PRKG1: variants seen among roughly 807,000 people sequenced by gnomAD.
The protein encoded by PRKG1 is protein kinase cGMP-dependent 1, also known as cGMP-dependent protein kinase 1.
A neutral mutation model predicts 88.1 loss-of-function variants in PRKG1; 35 were observed. That is an observed-to-expected ratio of 0.40 (90% CI 0.30 to 0.53). PRKG1 has a LOEUF of 0.53. Ranked by LOEUF, PRKG1 falls within the 20% of genes least tolerant of loss-of-function variation. The pLI is 0.59. For missense variants in PRKG1, 540 were observed against 839.8 expected, an observed-to-expected ratio of 0.64 and a Z score of 4.41; for synonymous variants, 303 against 292.5, an observed-to-expected ratio of 1.04 and a Z score of -0.37.
chr10:51,481,349 G>A (rs1270184628), intron 3 of PRKG1, among the ~76,000 whole-genome samples: 2 of 152,082 alleles, frequency 1.3e-5, no homozygotes, highest in Non-Finnish European at 2.9e-5. Flanking sequence ...ACAGGTTAAA[G>A]CAATTCTCGT....
At chr10:51,789,738 T>G (rs1322195941) in intron 3 of PRKG1, among the ~76,000 whole-genome samples, 1 of 152,158 alleles carries the variant, frequency 6.6e-6, no homozygotes, top group Non-Finnish European at 1.5e-5. Flanking sequence ...ATGAACAAGA[T>G]GATACATTTC....
chr10:51,152,560 T>C (rs1034570130), intron 1 of PRKG1, among the ~76,000 whole-genome samples: 1 of 152,084 alleles, frequency 6.6e-6, no homozygotes, highest in African/African-American at 2.4e-5. Flanking sequence ...GTTAGGTTGG[T>C]ATTTTTTTAA....
At chr10:51,962,431 TA>T (rs1589460343) in intron 5 of PRKG1, among the ~76,000 whole-genome samples, 1 of 152,086 alleles carries the variant, frequency 6.6e-6, no homozygotes, top group East Asian at 1.9e-4. Flanking sequence ...TAAATACAAA[TA>T]GGATGATCAT....
chr10:52,077,815 AT>A (rs900163834), intron 7 of PRKG1, among the ~76,000 whole-genome samples: 21 of 152,304 alleles, frequency 1.4e-4, no homozygotes, highest in Middle Eastern at 3.4e-3. Flanking sequence ...ATGGAATTAG[AT>A]GCCCATGAGT....
intron 4 of PRKG1, among the ~76,000 whole-genome samples, chr10:51,838,236 T>C (rs967878609): frequency 6.6e-6 from 1 of 152,206 alleles, no homozygotes; most frequent in African/African-American, 2.4e-5. Context: ...TATGTGCTCA[T>C]GTATAGTGAT....
chr10:51,021,746 T>A (rs181236271), intron 1 of PRKG1, among the ~76,000 whole-genome samples: 376 of 152,310 alleles, frequency 2.5e-3, no homozygotes, highest in Non-Finnish European at 4.4e-3. Context: ...AATGGTGCAA[T>A]CTTGGTTCAC....
chr10:51,900,971 T>G (rs1321933869), intron 4 of PRKG1, among the ~76,000 whole-genome samples: 1 of 152,186 alleles, frequency 6.6e-6, no homozygotes, highest in Non-Finnish European at 1.5e-5. Context: ...CTTTTACTAT[T>G]TCAGGAAGAA....
intron 3 of PRKG1, among the ~76,000 whole-genome samples, chr10:51,533,035 C>A (rs889084963): frequency 6.6e-6 from 1 of 152,090 alleles, no homozygotes; most frequent in Non-Finnish European, 1.5e-5. Context: ...CTGACAGTTC[C>A]GAGAAAATAT....
chr10:51,669,285 C>G (rs1327633057), intron 3 of PRKG1, among the ~76,000 whole-genome samples: 2 of 152,186 alleles, frequency 1.3e-5, no homozygotes, highest in Non-Finnish European at 2.9e-5. Context: ...TACTGGCTTG[C>G]AAGCTGCTGT....
chr10:52,017,968 T>C (rs1845084729), intron 5 of PRKG1, among the ~76,000 whole-genome samples: 1 of 152,188 alleles, frequency 6.6e-6, no homozygotes, highest in Non-Finnish European at 1.5e-5. Flanking sequence ...AATTGCACTT[T>C]TCTCCTATTT....
At chr10:51,806,767 C>T (rs1350051222) in intron 4 of PRKG1, among the ~76,000 whole-genome samples, 1 of 152,090 alleles carries the variant, frequency 6.6e-6, no homozygotes, top group Non-Finnish European at 1.5e-5. Flanking sequence ...CATTCAAGGC[C>T]CTCCTATAGC....
intron 3 of PRKG1, among the ~76,000 whole-genome samples, chr10:51,801,057 C>T (rs910653128): frequency 4.6e-5 from 7 of 152,070 alleles, no homozygotes; most frequent in Non-Finnish European, 4.4e-5. Flanking sequence ...GTATGTGTTG[C>T]CTTTTTTGTG....
intron 3 of PRKG1, among the ~76,000 whole-genome samples, chr10:51,486,062 CTTGTAATCA>C (rs375437585): frequency 2.6e-5 from 4 of 152,138 alleles, no homozygotes; most frequent in African/African-American, 9.7e-5. Flanking sequence ...TTCCGTTCAT[CTTGTAATCA>C]TTAAGTACAG....
chr10:51,985,144 C>T (rs1169105862), intron 5 of PRKG1, among the ~76,000 whole-genome samples: 2 of 152,082 alleles, frequency 1.3e-5, no homozygotes, highest in Non-Finnish European at 1.5e-5. Context: ...TATTTTTATT[C>T]CATGCCTTTT....
intron 5 of PRKG1, among the ~76,000 whole-genome samples, chr10:51,947,842 A>G (rs1843086835): frequency 6.6e-6 from 1 of 152,112 alleles, no homozygotes; most frequent in South Asian, 2.1e-4. Flanking sequence ...AACTTCATCC[A>G]GTGAATATGA....
chr10:52,234,353 G>A (rs999616489), intron 9 of PRKG1, among the ~76,000 whole-genome samples: 1 of 152,118 alleles, frequency 6.6e-6, no homozygotes, highest in Admixed American at 6.5e-5. Flanking sequence ...GGCTTCAGAC[G>A]ATCAAATTAC....
chr10:51,397,276 CA>C (rs1170824325), intron 2 of PRKG1, among the ~76,000 whole-genome samples: 1 of 152,064 alleles, frequency 6.6e-6, no homozygotes, highest in Non-Finnish European at 1.5e-5. Context: ...TAGATGTAGA[CA>C]AGACCTTTGG....
At chr10:51,875,316 A>G (rs992838777) in intron 4 of PRKG1, among the ~76,000 whole-genome samples, 11 of 152,190 alleles carry the variant, frequency 7.2e-5, no homozygotes, top group African/African-American at 2.7e-4. Flanking sequence ...TAATGAAAAA[A>G]AAAAAATACT....
chr10:50,996,480 A>G (rs2132710577), intron 1 of PRKG1, among the ~76,000 whole-genome samples: 1 of 152,356 alleles, frequency 6.6e-6, no homozygotes, highest in Middle Eastern at 3.4e-3. Flanking sequence ...TGATAGGCTA[A>G]CCTCATGAAA....
Sources: gnomAD v4.1 joint callset for allele counts (sites outside exome capture counted in the v4.1 genomes callset) on GRCh38, gnomAD v4.1.1 for gene constraint, MANE v1.5 for transcripts, NCBI Gene and HGNC (gene_info 2026-07-23, HGNC 2026-07-21) for gene names.